The following LSP1 variants were observed in gnomAD, a reference collection of about 807,000 sequenced individuals.
LSP1 encodes the protein lymphocyte specific protein 1.
Under a neutral mutation model 49.3 loss-of-function variants are expected in LSP1, and 32 were observed. The ratio of observed to expected loss-of-function variants is 0.65; its 90% CI spans 0.49 to 0.87. The LOEUF is 0.87. LSP1 is among the 40% of genes least tolerant of loss of function. The pLI is 0.00. For synonymous variants in LSP1, 179 were observed against 178.8 expected (o/e 1.00, Z -0.01); for missense variants, 428 against 442.6 (o/e 0.97, Z 0.30).
intron 10 of LSP1, chr11:1,888,969 C>T: frequency 1.9e-6 from 1 of 523,862 alleles, no homozygotes; most frequent in Non-Finnish European, 3.4e-6. Context: ...TGACCACCCT[C>T]CTAACCATGC....
intron 10 of LSP1, among the ~76,000 whole-genome samples, chr11:1,887,854 A>G (rs1186970983): frequency 6.6e-6 from 1 of 152,162 alleles, no homozygotes; most frequent in Non-Finnish European, 1.5e-5. Flanking sequence ...GGACTCCCCA[A>G]AAGCCACAGC....
Position 1,884,444 on chromosome 11 carries a change from A to T in LSP1, c.636-56A>T. On this transcript the variant is annotated intron_variant, in intron 6 of 10. Coordinates refer to ENST00000311604, the MANE Select transcript of LSP1 (RefSeq NM_002339.3). This position sits in a 1 kb window ranked among gnomAD's most constrained non-coding sequence, Gnocchi z 4.1. Reference sequence around the variant, plus strand: ...GGGGGGCTCTGGGAGAGGCTTGGGCAGGTTGGGAGAAGCCTTGTGGGAGAC... The same window carrying T: ...GGGGGGCTCTGGGAGAGGCTTGGGCTGGTTGGGAGAAGCCTTGTGGGAGAC... 6.2e-7 allele frequency: 1 copy of T among 1,600,822 alleles called. No individual in the cohort carries two copies. Among genetic ancestry groups the T allele is most frequent in the Non-Finnish European group, 8.6e-7 (1 of 1,167,990 alleles).
chr11:1,863,687 T>A (rs1589808357), intron 1 of LSP1: 1 of 152,118 alleles, frequency 6.6e-6, no homozygotes, highest in Non-Finnish European at 1.5e-5. Flanking sequence ...CTCCAGTGAG[T>A]CACAGCAGCC....
chr11:1,857,187 G>A (rs1405724723), intron 1 of LSP1, among the ~76,000 whole-genome samples: 2 of 152,142 alleles, frequency 1.3e-5, no homozygotes, highest in Admixed American at 6.5e-5. Flanking sequence ...ACAAGTGGGA[G>A]CATCACAGGC....
intron 1 of LSP1, among the ~76,000 whole-genome samples, chr11:1,877,148 C>T (rs892322387): frequency 5.9e-5 from 9 of 152,160 alleles, no homozygotes; most frequent in East Asian, 1.9e-4. Context: ...GGCCGCTGGC[C>T]GGGGGGCGCC....
At chr11:1,878,514 C>T (rs1480731045) in intron 1 of LSP1, among the ~76,000 whole-genome samples, 2 of 151,998 alleles carry the variant, frequency 1.3e-5, no homozygotes, top group African/African-American at 2.4e-5. Flanking sequence ...GCTGGGTTTG[C>T]GTGGCTGGAG....
intron 1 of LSP1, among the ~76,000 whole-genome samples, chr11:1,873,600 A>G: frequency 6.8e-6 from 1 of 146,938 alleles, no homozygotes; most frequent in Admixed American, 6.8e-5. Flanking sequence ...GAGGATGGAG[A>G]AGGGAGGAAG....
At position 1,884,763 on chromosome 11, in the gene LSP1, T is replaced by TCACTCCATGTAATCAATGC. The variant is rs1848688323; in HGVS notation, c.717+184_717+202dup. ...TCAATGCCCCTCCATCTAATCAATG[T>TCACTCCATGTAATCAATGC]CACTCCATGTAATCAATGCCCCCCC... On this transcript the variant is annotated intron_variant, in intron 7 of 10. Transcript: ENST00000311604. This position sits in a 1 kb window ranked among gnomAD's most constrained non-coding sequence, Gnocchi z 4.1. Among the ~76,000 whole-genome samples, 1 of 151,660 alleles carries TCACTCCATGTAATCAATGC rather than the reference T, an allele frequency of 6.6e-6. No individual in the cohort carries two copies. The highest frequency in any genetic ancestry group is 1.5e-5 in the Non-Finnish European group (1 of 67,916).
chr11:1,882,560 A>G (rs560287748), intron 3 of LSP1, among the ~76,000 whole-genome samples: 1 of 151,632 alleles, frequency 6.6e-6, no homozygotes, highest in Admixed American at 6.6e-5. Flanking sequence ...CTTTTCTGAG[A>G]TGGGGCAGCT....
chr11:1,887,553 C>T lies in LSP1; in HGVS notation c.1010C>T (p.Pro337Leu), dbSNP rs761235196. The T allele has an allele frequency of 8.7e-6, 14 of 1,613,634 alleles. No individual in the cohort carries two copies. Among genetic ancestry groups the T allele is most frequent in the Middle Eastern group, 1.7e-4 (1 of 6,060 alleles). Residue 337 changes from proline (P) to leucine (L), a missense_variant, in exon 10 of 11, where the codon CCG becomes CTG. Transcript: ENST00000311604. Reference sequence around the variant, plus strand: ...GAGAAGGTGCTTGTGGAAGGGGGCCCGGCTCCCTAGGCGTCCCATCTCGGT... The same window carrying T: ...GAGAAGGTGCTTGTGGAAGGGGGCCTGGCTCCCTAGGCGTCCCATCTCGGT... Reference protein sequence around the residue: ...KYEKVLVEGGPAP With the variant: ...KYEKVLVEGGLAP
intron 1 of LSP1, chr11:1,863,632 G>A (rs374784113): frequency 2.3e-4 from 35 of 152,406 alleles, no homozygotes; most frequent in African/African-American, 7.5e-4. Context: ...CTGAACATGC[G>A]TCCCATCCCA....
At chr11:1,874,495 T>C (rs1848225626) in intron 1 of LSP1, among the ~76,000 whole-genome samples, 3 of 152,002 alleles carry the variant, frequency 2.0e-5, no homozygotes, top group Admixed American at 1.3e-4. Context: ...GGGTGGGCTC[T>C]GGACCCAGCA....
rs58721142 is a variant in LSP1 at position 1,891,976 on chromosome 11, C to G, written c.*217C>G. 1.3e-5 allele frequency: 2 copies of G among 152,370 alleles called. No homozygotes were observed. Among genetic ancestry groups the G allele is most frequent in the African/African-American group, 4.8e-5 (2 of 41,400 alleles). 9.4% of individuals were successfully genotyped at this position (152,370 alleles called of 1,614,324 possible). ...CTCTGCCCTTCCACTCTCTGACCAC[C>G]GCCCCCGCCCTCCCCACCCAGCTCC... On this transcript the variant is annotated 3_prime_UTR_variant, in exon 11 of 11. Coordinates refer to ENST00000311604, the MANE Select transcript of LSP1 (RefSeq NM_002339.3).
intron 10 of LSP1, among the ~76,000 whole-genome samples, 185 bp downstream of exon 10, chr11:1,887,761 C>T (rs550467221): frequency 6.6e-6 from 1 of 152,288 alleles, no homozygotes; most frequent in East Asian, 1.9e-4. Flanking sequence ...CACCTGATAC[C>T]AGATTCAAAC....
intron 1 of LSP1, among the ~76,000 whole-genome samples, chr11:1,877,618 C>T (rs1308456018): frequency 1.3e-5 from 2 of 151,424 alleles, no homozygotes; most frequent in Admixed American, 1.3e-4. Flanking sequence ...GAGGCTGCGG[C>T]ACCCTGAAGG....
At chr11:1,856,069 G>A (rs1307543560) in intron 1 of LSP1, among the ~76,000 whole-genome samples, 1 of 152,146 alleles carries the variant, frequency 6.6e-6, no homozygotes, top group Non-Finnish European at 1.5e-5. Context: ...CTGCCCGGGG[G>A]TGCCCACCCG....
intron 1 of LSP1, chr11:1,866,819 C>A: frequency 6.5e-7 from 1 of 1,550,020 alleles, no homozygotes; most frequent in Non-Finnish European, 8.7e-7. Context: ...GGGGCAGAGC[C>A]CCTGCCTGGC....
chr11:1,885,253 A>G (rs918721714), intron 7 of LSP1, among the ~76,000 whole-genome samples: 2 of 151,736 alleles, frequency 1.3e-5, no homozygotes, highest in African/African-American at 4.8e-5. Flanking sequence ...ATGGCTCACC[A>G]TGTAACCAAT....
At chr11:1,871,464 C>A in intron 1 of LSP1, 6 of 986,326 alleles carry the variant, frequency 6.1e-6, no homozygotes, top group Non-Finnish European at 7.2e-6. Flanking sequence ...GGACATCAAG[C>A]CGGTTCTGGA....
Sources: gnomAD v4.1 joint callset for allele counts (sites outside exome capture counted in the v4.1 genomes callset) on GRCh38, gnomAD v4.1.1 for gene constraint, Gnocchi (gnomAD v3.1) non-coding constraint, MANE v1.5 for transcripts, NCBI Gene and HGNC (gene_info 2026-07-23, HGNC 2026-07-21) for gene names.